Variants in PLCB1 observed in about 807,000 individuals in gnomAD.
The protein encoded by PLCB1 is phospholipase C beta 1, also known as 1-phosphatidylinositol 4,5-bisphosphate phosphodiesterase beta-1.
PLCB1 carries 46 observed loss-of-function variants against 161.8 expected under a neutral mutation model. The ratio of observed to expected loss-of-function variants is 0.28; its 90% CI spans 0.22 to 0.36. The LOEUF (loss-of-function observed/expected upper bound fraction) is 0.36. Ranked by LOEUF, PLCB1 falls within the 10% of genes least tolerant of loss-of-function variation. PLCB1 has a pLI of 1.00. For missense variants in PLCB1, 1,016 were observed against 1,472.5 expected (o/e 0.69, Z 5.07); for synonymous variants, 517 against 503.7 (o/e 1.03, Z -0.35).
chr20:8,215,769 G>A (rs1442719407), intron 2 of PLCB1, among the ~76,000 whole-genome samples: 1 of 151,972 alleles, frequency 6.6e-6, no homozygotes, highest in Non-Finnish European at 1.5e-5. Flanking sequence ...AGCCTCAGAA[G>A]GCAGCCTTAG....
intron 2 of PLCB1, among the ~76,000 whole-genome samples, chr20:8,275,223 G>A (rs1483513258): frequency 1.3e-5 from 2 of 149,768 alleles, no homozygotes; most frequent in African/African-American, 2.5e-5. Context: ...TAAATGTCCA[G>A]TACCAGGTTT....
At chr20:8,177,446 G>A (rs1378319044) in intron 2 of PLCB1, among the ~76,000 whole-genome samples, 3 of 152,064 alleles carry the variant, frequency 2.0e-5, no homozygotes, top group Non-Finnish European at 4.4e-5. Flanking sequence ...GGACTAAGAC[G>A]ATGATGTTAA....
At chr20:8,581,701 A>G (rs1402946702) in intron 3 of PLCB1, among the ~76,000 whole-genome samples, 1 of 152,124 alleles carries the variant, frequency 6.6e-6, no homozygotes, top group Non-Finnish European at 1.5e-5. Flanking sequence ...GCCAATACCA[A>G]GAGAGTTCCA....
intron 12 of PLCB1, among the ~76,000 whole-genome samples, chr20:8,714,213 T>C (rs1022985690): frequency 3.3e-5 from 5 of 152,156 alleles, no homozygotes; most frequent in Admixed American, 6.5e-5. Context: ...TGATTCAGAA[T>C]CTGCATTTCT....
At chr20:8,461,999 A>G (rs1600418106) in intron 3 of PLCB1, among the ~76,000 whole-genome samples, 2 of 151,994 alleles carry the variant, frequency 1.3e-5, no homozygotes, top group Non-Finnish European at 1.5e-5. Flanking sequence ...TTTCTTGAGT[A>G]TATTTGCTTT....
At chr20:8,147,774 G>A (rs550623581) in intron 1 of PLCB1, among the ~76,000 whole-genome samples, 2 of 152,006 alleles carry the variant, frequency 1.3e-5, no homozygotes, top group African/African-American at 4.8e-5. Flanking sequence ...ACAAAGAAGG[G>A]TTAATTTTGA....
intron 31 of PLCB1, among the ~76,000 whole-genome samples, chr20:8,840,032 G>GAA (rs35917261): frequency 7.4e-6 from 1 of 135,796 alleles, no homozygotes; most frequent in African/African-American, 2.8e-5. Flanking sequence ...CTCTGTCTCA[G>GAA]AAAAAAAAAA....
intron 3 of PLCB1, among the ~76,000 whole-genome samples, chr20:8,562,704 T>G (rs757036311): frequency 1.4e-4 from 22 of 152,074 alleles, no homozygotes; most frequent in Admixed American, 2.6e-4. Context: ...AACCCCAGTT[T>G]AAATATAACC....
intron 3 of PLCB1, among the ~76,000 whole-genome samples, chr20:8,564,413 A>C (rs1986253355): frequency 6.6e-6 from 1 of 152,198 alleles, no homozygotes; most frequent in Non-Finnish European, 1.5e-5. Flanking sequence ...ACCATTCAGG[A>C]CATAGGCATG....
At chr20:8,336,672 A>T (rs1985592923) in intron 2 of PLCB1, among the ~76,000 whole-genome samples, 2 of 152,170 alleles carry the variant, frequency 1.3e-5, no homozygotes, top group Admixed American at 6.5e-5. Context: ...ATCCCTAGGG[A>T]TGCTAGAAAT....
chr20:8,774,333 G>T (rs191379182), intron 26 of PLCB1, among the ~76,000 whole-genome samples: 15 of 152,274 alleles, frequency 9.9e-5, no homozygotes, highest in Non-Finnish European at 1.9e-4. Context: ...TCTTTCTAGA[G>T]CACCATGAAT....
chr20:8,741,735 G>C (rs1382580349), intron 23 of PLCB1, among the ~76,000 whole-genome samples, 162 bp downstream of exon 23: 1 of 152,164 alleles, frequency 6.6e-6, no homozygotes, highest in Non-Finnish European at 1.5e-5. Flanking sequence ...CTAGATGATT[G>C]ACTTAAATTT....
intron 2 of PLCB1, among the ~76,000 whole-genome samples, chr20:8,182,483 G>T (rs185095751): frequency 6.6e-6 from 1 of 152,168 alleles, no homozygotes; most frequent in Admixed American, 6.5e-5. Flanking sequence ...CTGCCATCCT[G>T]CCAGAAGATG....
At chr20:8,662,653 A>G (rs1489730246) in intron 9 of PLCB1, among the ~76,000 whole-genome samples, 11 of 149,758 alleles carry the variant, frequency 7.3e-5, no homozygotes, top group Non-Finnish European at 7.4e-5. Flanking sequence ...TTGAAATCCA[A>G]CGTGCACCTG....
chr20:8,502,666 G>T (rs571372684), intron 3 of PLCB1, among the ~76,000 whole-genome samples: 1 of 152,004 alleles, frequency 6.6e-6, no homozygotes, highest in Admixed American at 6.6e-5. Context: ...TTTGGTTCTT[G>T]TTAGTTTTCT....
At chr20:8,607,188 G>A (rs1244201605) in intron 3 of PLCB1, among the ~76,000 whole-genome samples, 1 of 151,998 alleles carries the variant, frequency 6.6e-6, no homozygotes, top group African/African-American at 2.4e-5. Flanking sequence ...TACATCCAAC[G>A]CATCCACTTC....
At chr20:8,814,589 G>GTGTGTA (rs1177539522) in intron 31 of PLCB1, among the ~76,000 whole-genome samples, 1 of 151,662 alleles carries the variant, frequency 6.6e-6, no homozygotes, top group East Asian at 1.9e-4. Flanking sequence ...GTGTGTGTGT[G>GTGTGTA]TGTGTGTGTG....
At chr20:8,614,249 TAA>T (rs1352424200) in intron 3 of PLCB1, among the ~76,000 whole-genome samples, 8 of 152,092 alleles carry the variant, frequency 5.3e-5, no homozygotes, top group African/African-American at 2.4e-5. Flanking sequence ...GTAGGTACGA[TAA>T]GTTGAAATAT....
Position 8,320,824 on chromosome 20 carries a change from AGGGAGAGAGGG to A in PLCB1, c.178-50557_178-50547del, listed in dbSNP as rs1416929262. Among the ~76,000 whole-genome samples, 28 of 125,398 alleles carry A rather than the reference AGGGAGAGAGGG, an allele frequency of 2.2e-4. 1 individual carries two copies. The highest frequency in any genetic ancestry group is 3.3e-5 in the Non-Finnish European group (2 of 61,366). 82.3% of individuals were successfully genotyped at this position (125,398 alleles called of 152,430 possible). A position where few individuals can be genotyped will look rare whatever the true frequency, so the allele number is the denominator to read the frequency against. Reference sequence around the variant, plus strand: ...AAGAAAGAAAGAAAGAAAGGGAGGGAGGGAGAGAGGGAGGGAGGGAGGGAGGGAAAGAGAGA... The same window carrying A: ...AAGAAAGAAAGAAAGAAAGGGAGGGAAGGGAGGGAGGGAGGGAAAGAGAGA... On this transcript the variant is annotated intron_variant, in intron 2 of 31. Coordinates refer to ENST00000338037, the MANE Select transcript of PLCB1 (RefSeq NM_015192.4).
Sources: gnomAD v4.1 joint callset for allele counts (sites outside exome capture counted in the v4.1 genomes callset) on GRCh38, gnomAD v4.1.1 for gene constraint, MANE v1.5 for transcripts, NCBI Gene and HGNC (gene_info 2026-07-23, HGNC 2026-07-21) for gene names.